PHF14: variants seen among roughly 807,000 people sequenced by gnomAD.
PHF14 encodes the protein PHD finger protein 14.
PHF14 carries 55 observed loss-of-function variants against 117.9 expected under a neutral mutation model. The ratio of observed to expected loss-of-function variants is 0.47; its 90% confidence interval spans 0.38 to 0.58. PHF14 has a LOEUF of 0.58. Ranked by LOEUF, PHF14 falls within the 20% of genes least tolerant of loss-of-function variation. PHF14 has a pLI of 0.00. For synonymous variants in PHF14, 409 were observed against 368.6 expected (o/e 1.11, Z -1.26); for missense variants, 978 against 1,122.2 (o/e 0.87, Z 1.84).
intron 14 of PHF14, among the ~76,000 whole-genome samples, chr7:11,055,896 G>A (rs1346567216): frequency 6.6e-6 from 1 of 152,108 alleles, no homozygotes; most frequent in African/African-American, 2.4e-5. Flanking sequence ...TTCTACTGAA[G>A]TGACTAAAGG....
chr7:11,124,152 G>C (rs1445618705), intron 17 of PHF14, among the ~76,000 whole-genome samples: 1 of 151,342 alleles, frequency 6.6e-6, no homozygotes, highest in East Asian at 1.9e-4. Flanking sequence ...AATGGTCATT[G>C]TTGAATATTG....
At chr7:11,155,255 G>T (rs912685404) in intron 17 of PHF14, among the ~76,000 whole-genome samples, 1 of 152,164 alleles carries the variant, frequency 6.6e-6, no homozygotes, top group Non-Finnish European at 1.5e-5. Flanking sequence ...TTTTTGGGTA[G>T]TGTAGGTATC....
At chr7:10,991,758 A>ATT (rs1491563153) in intron 4 of PHF14, among the ~76,000 whole-genome samples, 9 of 87,380 alleles carry the variant, frequency 1.0e-4, no homozygotes, top group East Asian at 2.9e-4. Flanking sequence ...TTAATTTTTT[A>ATT]ATTTTTTTTT....
intron 17 of PHF14, among the ~76,000 whole-genome samples, chr7:11,145,680 CAAAT>C (rs974931411): frequency 4.6e-5 from 7 of 151,944 alleles, no homozygotes; most frequent in African/African-American, 1.7e-4. Context: ...CTTTTCTGAT[CAAAT>C]AACTATGCTT....
rs374871633 is a variant in PHF14 at position 11,055,911 on chromosome 7, T to G, written c.2481+4131T>G. The stretch of plus-strand genomic sequence containing the variant: ...TTCTACTGAAGTGACTAAAGGTTAC[T>G]GTACATTATGTTCATATTTATTTTA... On this transcript the variant is annotated intron_variant, in intron 14 of 17. Coordinates refer to ENST00000634607, the MANE Select transcript of PHF14 (RefSeq NM_001007157.2). Among the ~76,000 whole-genome samples, 73 of 152,332 alleles carry G rather than the reference T, an allele frequency of 4.8e-4. 1 individual carries two copies. In the East Asian group the frequency reaches 0.011, roughly 24 times the overall value.
intron 7 of PHF14, among the ~76,000 whole-genome samples, chr7:11,033,200 A>G (rs1224345353): frequency 6.6e-6 from 1 of 152,202 alleles, no homozygotes; most frequent in Non-Finnish European, 1.5e-5. Context: ...TTAGGACATT[A>G]TTTTGACTGG....
intron 2 of PHF14, among the ~76,000 whole-genome samples, chr7:10,981,910 G>C (rs1474592296): frequency 1.3e-5 from 2 of 152,016 alleles, no homozygotes; most frequent in African/African-American, 4.8e-5. Flanking sequence ...AGTTTTATGG[G>C]TTAGATTTAT....
intron 16 of PHF14, among the ~76,000 whole-genome samples, chr7:11,101,426 CAG>C (rs1015979016): frequency 1.3e-5 from 2 of 151,798 alleles, no homozygotes; most frequent in African/African-American, 2.4e-5. Flanking sequence ...GTATCAGATT[CAG>C]AATGTGCTCA....
chr7:11,004,274 AG>A (rs1562414200), intron 4 of PHF14, among the ~76,000 whole-genome samples: 3 of 149,660 alleles, frequency 2.0e-5, no homozygotes, highest in Non-Finnish European at 3.0e-5. Context: ...AAAAAAGAAA[AG>A]AAAAAGAAAA....
intron 17 of PHF14, among the ~76,000 whole-genome samples, chr7:11,141,782 TCTAA>T (rs1788406410): frequency 6.6e-6 from 1 of 152,062 alleles, no homozygotes; most frequent in Non-Finnish European, 1.5e-5. Context: ...TGAACGTGTG[TCTAA>T]CAGCTGTAAG....
chr7:11,108,313 C>T (rs1358593392), intron 16 of PHF14: 1 of 151,608 alleles, frequency 6.6e-6, no homozygotes, highest in Non-Finnish European at 1.5e-5. Context: ...TTGTTTATCA[C>T]CAAAACTATT....
At chr7:10,997,839 A>G (rs1297591819) in intron 4 of PHF14, among the ~76,000 whole-genome samples, 1 of 152,224 alleles carries the variant, frequency 6.6e-6, no homozygotes, top group Non-Finnish European at 1.5e-5. Flanking sequence ...TCAGAGTGCT[A>G]GTATATTTTA....
At chr7:11,144,760 G>C (rs1035102177) in intron 17 of PHF14, among the ~76,000 whole-genome samples, 1 of 151,600 alleles carries the variant, frequency 6.6e-6, no homozygotes, top group African/African-American at 2.4e-5. Context: ...GTGGTGATGT[G>C]GGGGGAAGAA....
At chr7:11,146,182 T>A (rs985582373) in intron 17 of PHF14, among the ~76,000 whole-genome samples, 1 of 152,106 alleles carries the variant, frequency 6.6e-6, no homozygotes, top group Non-Finnish European at 1.5e-5. Context: ...TAAAAAATTA[T>A]ATTTTGAAAT....
intron 7 of PHF14, among the ~76,000 whole-genome samples, chr7:11,031,234 A>C (rs950542776): frequency 6.6e-6 from 1 of 152,032 alleles, no homozygotes; most frequent in African/African-American, 2.4e-5. Context: ...TATCAGTTTC[A>C]TCTAATGACA....
chr7:10,990,438 T>C (rs1782409943), intron 3 of PHF14, among the ~76,000 whole-genome samples: 2 of 152,148 alleles, frequency 1.3e-5, no homozygotes, highest in Admixed American at 6.5e-5. Context: ...CATGCGTGCT[T>C]TTTCATATCC....
At chr7:10,975,473 T>A (rs995948728) in intron 2 of PHF14, among the ~76,000 whole-genome samples, 10 of 152,242 alleles carry the variant, frequency 6.6e-5, no homozygotes, top group Admixed American at 1.3e-4. Context: ...CTCTGAAGTA[T>A]AAGTCATGCA....
intron 17 of PHF14, among the ~76,000 whole-genome samples, chr7:11,128,328 AG>A (rs1167280341): frequency 1.3e-5 from 2 of 152,124 alleles, no homozygotes; most frequent in Admixed American, 6.6e-5. Flanking sequence ...CACTGAGGAA[AG>A]GGGGGTGATA....
chr7:11,020,302 CTGGTCT>C (rs1314837139), intron 5 of PHF14, among the ~76,000 whole-genome samples: 1 of 152,098 alleles, frequency 6.6e-6, no homozygotes, highest in Non-Finnish European at 1.5e-5. Flanking sequence ...GTTGCCCAGG[CTGGTCT>C]TGAGCTCCTG....
Sources: gnomAD v4.1 joint callset for allele counts (sites outside exome capture counted in the v4.1 genomes callset) on GRCh38, gnomAD v4.1.1 for gene constraint, MANE v1.5 for transcripts, NCBI Gene and HGNC (gene_info 2026-07-23, HGNC 2026-07-21) for gene names.